Variants in PHF11 observed in about 807,000 individuals in gnomAD.
PHF11 encodes BRCA1 C-terminus-associated protein.
PHF11 carries 38 observed loss-of-function variants against 40.5 expected under a neutral mutation model. That is an observed-to-expected ratio of 0.94 (90% confidence interval 0.72 to 1.23). PHF11 has a LOEUF of 1.23. Among genes scored for constraint, PHF11 ranks in the 50% most tolerant of loss-of-function variants. The pLI is 0.00. For synonymous variants in PHF11, 127 were observed against 138.2 expected (o/e 0.92, Z 0.57); for missense variants, 369 against 392.4 (o/e 0.94, Z 0.50).
At position 49,520,918 on chromosome 13, in the gene PHF11, A is replaced by AT; in HGVS notation, c.485dup (p.Ile164AspfsTer7). 6.3e-7 allele frequency: 1 copy of AT among 1,584,288 alleles called. No homozygotes were observed. Among genetic ancestry groups the AT allele is most frequent in the Non-Finnish European group, 8.6e-7 (1 of 1,158,576 alleles). On this transcript the variant is annotated frameshift_variant, in exon 5 of 10. Transcript: ENST00000378319. LOFTEE classifies it high-confidence loss of function. Reference sequence around the variant, plus strand: ...GACTGCTTTGCCAGCAACATGCTCAATTCCCGATCATCGCTCAAAGTGGTA... The same window carrying AT: ...GACTGCTTTGCCAGCAACATGCTCAATTTCCCGATCATCGCTCAAAGTGGTA...
chr13:49,513,522 G>A (rs1244891421), intron 3 of PHF11, among the ~76,000 whole-genome samples: 1 of 151,950 alleles, frequency 6.6e-6, no homozygotes, highest in Non-Finnish European at 1.5e-5. Context: ...GTAGAGACAG[G>A]GTTTCACCAT....
At chr13:49,519,390 T>G (rs1468316853) in intron 4 of PHF11, among the ~76,000 whole-genome samples, 1 of 152,038 alleles carries the variant, frequency 6.6e-6, no homozygotes, top group African/African-American at 2.4e-5. Flanking sequence ...TAGCTTAAAG[T>G]TTGAAAAAAT....
intron 1 of PHF11, chr13:49,496,598 T>C (rs2139019554): frequency 4.0e-6 from 1 of 249,330 alleles, no homozygotes; most frequent in Middle Eastern, 2.0e-3. Context: ...TCTACTTGAG[T>C]GGGTGGGTCT....
intron 1 of PHF11, among the ~76,000 whole-genome samples, chr13:49,501,077 G>A (rs182223449): frequency 1.2e-3 from 170 of 144,292 alleles, no homozygotes; most frequent in Non-Finnish European, 2.1e-3. Flanking sequence ...GCAATGGTGC[G>A]ATCTCGGCTC....
In PHF11 at chr13:49,513,004, T is replaced by C. The variant is rs984309590; in HGVS notation, c.217-55T>C. 4.7e-6 allele frequency: 4 copies of C among 849,840 alleles called. No homozygotes were observed. In the Admixed American group the frequency reaches 6.4e-5, roughly 14 times the overall value. 52.6% of individuals were successfully genotyped at this position (849,840 alleles called of 1,614,324 possible). A position where few individuals can be genotyped will look rare whatever the true frequency, so the allele number is the denominator to read the frequency against. ...CCACTTTTGGTATGATTTTCTGACA[T>C]GTAGCTTTCAATATTACTTTGTGCA... On this transcript the variant is annotated intron_variant, in intron 2 of 9. Transcript: ENST00000378319.
rs548679404 is a variant in PHF11, at chr13:49,496,448, G to C, written c.94+353G>C. On this transcript the variant is annotated intron_variant, in intron 1 of 9. Transcript: ENST00000378319. ...CTCTCCTAGCGCCCCTCCGCTCACC[G>C]GTAAACCAGGACAGTGGAGGGGCGC... 19 of 1,034,722 alleles carry C rather than the reference G, an allele frequency of 1.8e-5. No individual in the cohort carries two copies. In the South Asian group the frequency reaches 4.6e-4, roughly 25 times the overall value. The allele number at this position is 1,034,722 out of a possible 1,614,324, so 64.1% of individuals were successfully genotyped here. A position where few individuals can be genotyped will look rare whatever the true frequency, so the allele number is the denominator to read the frequency against.
intron 8 of PHF11, among the ~76,000 whole-genome samples, chr13:49,524,769 C>T (rs1201325138): frequency 6.6e-6 from 1 of 152,052 alleles, no homozygotes; most frequent in African/African-American, 2.4e-5. Context: ...AGCCACCATG[C>T]CTGGCCCTTT....
rs1355500378 is a variant in PHF11, at chr13:49,500,737, G to T, written c.94+4642G>T. On this transcript the variant is annotated intron_variant, in intron 1 of 9. Coordinates refer to ENST00000378319, the MANE Select transcript of PHF11 (RefSeq NM_001040443.3). ...ACTCTGGGTCTAGCACAGCAGTGTT[G>T]TCAGCATATCTGTCTTGTCTGTCTT... Among the ~76,000 whole-genome samples the T allele has an allele frequency of 4.6e-5, 7 of 151,978 alleles. No homozygotes were observed. The East Asian group carries it at 1.3e-3, about 29-fold the overall frequency.
At position 49,526,473 on chromosome 13, in the gene PHF11, TAAC is replaced by T. The variant is rs1347592016; in HGVS notation, c.841+17_841+19del. On this transcript the variant is annotated intron_variant, in intron 9 of 9. Transcript: ENST00000378319. ...TTTTCAAGCAGGTATATGAGTTATA[TAAC>T]ATCTGAGCAGCATAGTTTTGAGAAA... is the stretch of plus-strand genomic sequence containing the variant. 6 of 1,406,730 alleles carry T rather than the reference TAAC, an allele frequency of 4.3e-6. No individual in the cohort carries two copies. The African/African-American group carries it at 7.1e-5, about 17-fold the overall frequency. 87.1% of individuals were successfully genotyped at this position (1,406,730 alleles called of 1,614,324 possible). A position where few individuals can be genotyped will look rare whatever the true frequency, so the allele number is the denominator to read the frequency against.
rs982645116 is a variant in PHF11, at chr13:49,496,548, C to T, written c.94+453C>T. On this transcript the variant is annotated intron_variant, in intron 1 of 9. Transcript: ENST00000378319. ...CGTTCACGGAGGACGTGACTGGAACCCGTCTCCCCTTCTCCAGTCGTTCCA... is the reference window on the plus strand; with the variant it reads ...CGTTCACGGAGGACGTGACTGGAACTCGTCTCCCCTTCTCCAGTCGTTCCA... The T allele has an allele frequency of 3.5e-5, 23 of 664,654 alleles. No homozygotes were observed. The South Asian group carries it at 7.3e-4, about 21-fold the overall frequency. 41.2% of individuals were successfully genotyped at this position (664,654 alleles called of 1,614,324 possible).
At chr13:49,509,673 A>G (rs571394377) in intron 2 of PHF11, among the ~76,000 whole-genome samples, 9 of 152,290 alleles carry the variant, frequency 5.9e-5, no homozygotes, top group African/African-American at 2.2e-4. Context: ...TGATAGTGAT[A>G]GTGAATAAAT....
chr13:49,510,425 C>A (rs980426175), intron 2 of PHF11, among the ~76,000 whole-genome samples: 3 of 152,088 alleles, frequency 2.0e-5, no homozygotes, highest in Non-Finnish European at 4.4e-5. Context: ...GTGTGTTTTA[C>A]TTATATATTT....
At chr13:49,517,855 A>AT (rs1365499613) in intron 3 of PHF11, among the ~76,000 whole-genome samples, 163 bp from the exon 4 acceptor site, 6 of 152,236 alleles carry the variant, frequency 3.9e-5, no homozygotes, top group Non-Finnish European at 7.3e-5. Context: ...GCAGCCAAAT[A>AT]TAAGTACTGT....
At chr13:49,506,511 T>C in intron 1 of PHF11, 124 bp from the exon 2 acceptor site, 1 of 791,008 alleles carries the variant, frequency 1.3e-6, no homozygotes, top group Non-Finnish European at 2.1e-6. Flanking sequence ...ATATTTTGTC[T>C]CTCTGGGAAT....
intron 1 of PHF11, among the ~76,000 whole-genome samples, chr13:49,501,134 C>T (rs1958903034): frequency 6.6e-6 from 1 of 151,936 alleles, no homozygotes; most frequent in South Asian, 2.1e-4. Flanking sequence ...CTGCCTCAGC[C>T]TCCCGAGTAG....
chr13:49,506,564 A>G, intron 1 of PHF11, 71 bp from the exon 2 acceptor site: 2 of 1,388,604 alleles, frequency 1.4e-6, no homozygotes, highest in Admixed American at 1.7e-5. Context: ...TTCCACTTGA[A>G]GACTGGAAGA....
chr13:49,524,233 A>G lies in PHF11; in HGVS notation c.769+17A>G, dbSNP rs1959210868. 3.1e-6 allele frequency: 5 copies of G among 1,590,000 alleles called. No individual in the cohort carries two copies. The highest frequency in any genetic ancestry group is 4.5e-5 in the East Asian group (2 of 44,280). ...CAGAATCAGGTACTGATGAAGAGCA[A>G]TATTTCGAAGTATAGAGACTTCTCC... On this transcript the variant is annotated intron_variant, in intron 8 of 9. Transcript: ENST00000378319.
intron 1 of PHF11, among the ~76,000 whole-genome samples, chr13:49,502,455 A>G (rs1052049553): frequency 1.4e-4 from 21 of 152,250 alleles, no homozygotes; most frequent in Non-Finnish European, 1.5e-5. Context: ...TCTGTATATC[A>G]AAGAATATTA....
chr13:49,515,578 T>C (rs2139058254), intron 3 of PHF11, among the ~76,000 whole-genome samples: 1 of 152,088 alleles, frequency 6.6e-6, no homozygotes, highest in Non-Finnish European at 1.5e-5. Context: ...CTAAGGACTC[T>C]CTTTTCCTCG....
Sources: allele counts gnomAD v4.1 joint callset (sites outside exome capture counted in the v4.1 genomes callset), GRCh38; gene constraint gnomAD v4.1.1; transcripts MANE v1.5; gene names NCBI Gene and HGNC (gene_info 2026-07-23, HGNC 2026-07-21).